DMD: variants seen among roughly 807,000 people sequenced by gnomAD.
DMD encodes the protein dystrophin.
A neutral mutation model predicts 330.1 loss-of-function variants in DMD; 63 were observed. That is an observed-to-expected ratio of 0.19 (90% CI 0.16 to 0.24). DMD has a LOEUF of 0.24. Ranked by LOEUF, DMD falls within the 10% of genes least tolerant of loss-of-function variation. The pLI, the probability that DMD is intolerant of heterozygous loss-of-function variation, is 1.00. For synonymous variants in DMD, 1,223 were observed against 959.8 expected, an observed-to-expected ratio of 1.27 and a Z score of -5.07; for missense variants, 3,344 against 2,684.1, an observed-to-expected ratio of 1.25 and a Z score of -5.43.
At chrX:33,112,237 G>C (rs2095344978) in intron 1 of DMD, among the ~76,000 whole-genome samples, 1 of 110,378 alleles carries the variant, frequency 9.1e-6, no homozygotes, top group South Asian at 3.8e-4. Flanking sequence ...ATCTCTTATG[G>C]TTCCTAATGT....
At chrX:31,756,934 C>T (rs1003968401) in intron 51 of DMD, among the ~76,000 whole-genome samples, 10 of 110,308 alleles carry the variant, frequency 9.1e-5, no homozygotes, top group African/African-American at 3.0e-4. Flanking sequence ...GTTGGATAAA[C>T]CTAAATGTGC....
At chrX:33,310,201 C>T (rs1322102947) in intron 1 of DMD, among the ~76,000 whole-genome samples, 4 of 111,370 alleles carry the variant, frequency 3.6e-5, no homozygotes, top group Non-Finnish European at 7.6e-5. Context: ...TATTCCAATA[C>T]AGAAATAATT....
intron 1 of DMD, among the ~76,000 whole-genome samples, chrX:33,084,514 A>G (rs1216864058): frequency 1.8e-5 from 2 of 111,589 alleles, no homozygotes; most frequent in East Asian, 2.8e-4. Context: ...CTGGTCAGAG[A>G]TGAAATCACA....
intron 2 of DMD, among the ~76,000 whole-genome samples, chrX:32,915,059 C>G (rs1009000690): frequency 9.0e-6 from 1 of 111,429 alleles, no homozygotes; most frequent in Non-Finnish European, 1.9e-5. Flanking sequence ...TAAACTGGAA[C>G]AAATATTGTT....
Position 32,252,867 on chromosome X carries a change from TAAATATATAA to T in DMD, c.6290+34652_6290+34661del, listed in dbSNP as rs1263154044. Among the ~76,000 whole-genome samples the T allele has an allele frequency of 1.1e-3, 84 of 77,429 alleles. No homozygotes were observed. The South Asian group carries it at 0.013, about 12-fold the overall frequency. The allele number at this position is 77,429 out of a possible 115,157, so 67.2% of individuals were successfully genotyped here. A position where few individuals can be genotyped will look rare whatever the true frequency, so the allele number is the denominator to read the frequency against. On this transcript the variant is annotated intron_variant, in intron 43 of 78. Coordinates refer to ENST00000357033, the MANE Select transcript of DMD (RefSeq NM_004006.3). ...AAATATATAAATATATATAAATATA[TAAATATATAA>T]AAATATATATAAATATATATAAATA...
chrX:32,606,416 G>C (rs1342645137), intron 12 of DMD, among the ~76,000 whole-genome samples: 1 of 109,009 alleles, frequency 9.2e-6, no homozygotes, highest in Non-Finnish European at 1.9e-5. Flanking sequence ...AACAGGTGTT[G>C]GCAAGGATGT....
chrX:31,289,818 A>T (rs2053551784), intron 62 of DMD, among the ~76,000 whole-genome samples: 2 of 110,773 alleles, frequency 1.8e-5, no homozygotes, highest in South Asian at 7.6e-4. Flanking sequence ...AATAACTGCT[A>T]ATTTATTTTT....
intron 59 of DMD, among the ~76,000 whole-genome samples, chrX:31,473,720 A>AAAAAAAAAGAAAAG (rs1556654300): frequency 5.7e-5 from 6 of 104,380 alleles, no homozygotes; most frequent in Admixed American, 2.1e-4. Flanking sequence ...TCAAAAAAAA[A>AAAAAAAAAGAAAAG]AAAAAAAAGA....
intron 16 of DMD, among the ~76,000 whole-genome samples, chrX:32,563,686 A>G (rs2051337551): frequency 8.9e-6 from 1 of 111,878 alleles, no homozygotes; most frequent in African/African-American, 3.3e-5. Context: ...CAATTGGAAT[A>G]ATCAAATCAG....
At chrX:32,105,112 C>T (rs957859263) in intron 44 of DMD, among the ~76,000 whole-genome samples, 4 of 111,784 alleles carry the variant, frequency 3.6e-5, no homozygotes, top group African/African-American at 9.8e-5. Context: ...AGAGTCTAGT[C>T]GCTTACCAAC....
At chrX:32,967,606 T>G (rs1211067464) in intron 2 of DMD, among the ~76,000 whole-genome samples, 2 of 111,449 alleles carry the variant, frequency 1.8e-5, no homozygotes, top group East Asian at 5.7e-4. Context: ...GAGAAAGTCT[T>G]CAGGTGCACG....
rs2148564609 is a variant in DMD at position 31,206,648 on chromosome X, G to A, written c.9583C>T (p.Arg3195Cys). The A allele has an allele frequency of 2.5e-6, 3 of 1,209,567 alleles. No individual in the cohort carries two copies. Among genetic ancestry groups the A allele is most frequent in the South Asian group, 1.8e-5 (1 of 56,584 alleles). ...ATGCCAGTTTTAAAAGACAGGACAC[G>A]GATCCTCCCTGTTCGTCCCCTATTA... ...VYDTGRTGRI[R>C]VLSFKTGIIS... The change falls in exon 66 of 79, where the codon CGT becomes TGT. Residue 3195 changes from arginine to cysteine, a missense_variant. Coordinates refer to ENST00000357033, the MANE Select transcript of DMD (RefSeq NM_004006.3).
intron 44 of DMD, among the ~76,000 whole-genome samples, chrX:32,202,677 T>C (rs1441522199): frequency 1.8e-5 from 2 of 111,962 alleles, no homozygotes; most frequent in African/African-American, 3.2e-5. Context: ...GCAGAAAACA[T>C]ACACAACACC....
At chrX:31,587,583 C>A (rs185664051) in intron 55 of DMD, among the ~76,000 whole-genome samples, 3 of 111,995 alleles carry the variant, frequency 2.7e-5, no homozygotes, top group Non-Finnish European at 5.6e-5. Context: ...CCAGTCAAGC[C>A]ATTCGTAAGT....
At chrX:31,991,779 A>G (rs1336785559) in intron 44 of DMD, among the ~76,000 whole-genome samples, 1 of 108,601 alleles carries the variant, frequency 9.2e-6, no homozygotes, top group East Asian at 2.9e-4. Flanking sequence ...AAAAAAAAGG[A>G]AGGGGAATAT....
At chrX:31,259,602 G>A (rs774248994) in intron 63 of DMD, among the ~76,000 whole-genome samples, 16 of 112,046 alleles carry the variant, frequency 1.4e-4, no homozygotes, top group African/African-American at 1.9e-4. Context: ...TACTCGAAAT[G>A]TATTGGATCT....
At chrX:31,787,563 T>G (rs989736986) in intron 50 of DMD, among the ~76,000 whole-genome samples, 3 of 111,488 alleles carry the variant, frequency 2.7e-5, no homozygotes, top group Non-Finnish European at 3.8e-5. Context: ...GTTTCTTATG[T>G]GAAATATGCA....
At chrX:32,859,301 C>G (rs1294927102) in intron 2 of DMD, among the ~76,000 whole-genome samples, 1 of 109,789 alleles carries the variant, frequency 9.1e-6, no homozygotes, top group Non-Finnish European at 1.9e-5. Flanking sequence ...AACCATGTCT[C>G]TACTAAAAAT....
intron 2 of DMD, among the ~76,000 whole-genome samples, chrX:32,851,332 A>G (rs756253556): frequency 1.8e-5 from 2 of 112,150 alleles, no homozygotes; most frequent in South Asian, 7.4e-4. Flanking sequence ...CCAGCCACAT[A>G]TATACTTAGA....
Sources: allele counts gnomAD v4.1 joint callset (sites outside exome capture counted in the v4.1 genomes callset), GRCh38; gene constraint gnomAD v4.1.1; transcripts MANE v1.5; gene names NCBI Gene and HGNC (gene_info 2026-07-23, HGNC 2026-07-21).